The following PUM1 variants were observed in gnomAD, a reference collection of about 807,000 sequenced individuals.
The protein encoded by PUM1 is pumilio homolog 1.
PUM1 carries 13 observed loss-of-function variants against 131.8 expected under a neutral mutation model. That is an observed-to-expected ratio of 0.10 (90% CI 0.06 to 0.16). The LOEUF is 0.16. Among genes scored for constraint, PUM1 ranks in the 10% least tolerant of loss-of-function variants. The pLI, the probability that PUM1 is intolerant of heterozygous loss-of-function variation, is 1.00. For missense variants in PUM1, 961 were observed against 1,512.4 expected, an observed-to-expected ratio of 0.64 and a Z score of 6.05; for synonymous variants, 509 against 556.5, an observed-to-expected ratio of 0.91 and a Z score of 1.20.
At chr1:30,945,716 A>G (rs1023483911) in intron 17 of PUM1, among the ~76,000 whole-genome samples, 1 of 152,254 alleles carries the variant, frequency 6.6e-6, no homozygotes, top group Non-Finnish European at 1.5e-5. Flanking sequence ...AACAATAACC[A>G]GTAACCAAAA....
chr1:31,061,331 A>G (rs1188514921), intron 1 of PUM1, among the ~76,000 whole-genome samples: 1 of 152,160 alleles, frequency 6.6e-6, no homozygotes, highest in Non-Finnish European at 1.5e-5. Context: ...AAGAAGGCCA[A>G]TGGAGGTTGG....
chr1:30,994,014 G>A (rs1570229550), intron 6 of PUM1, among the ~76,000 whole-genome samples: 1 of 152,256 alleles, frequency 6.6e-6, no homozygotes, highest in South Asian at 2.1e-4. Flanking sequence ...TGGCTGCAGT[G>A]AGCTAACTTC....
chr1:30,983,957 G>A (rs1389440172), intron 7 of PUM1, among the ~76,000 whole-genome samples: 1 of 152,016 alleles, frequency 6.6e-6, no homozygotes, highest in Admixed American at 6.6e-5. Flanking sequence ...TACTGTATCT[G>A]TAAATATACA....
chr1:30,991,364 T>C (rs897304905), intron 7 of PUM1, among the ~76,000 whole-genome samples: 2 of 152,230 alleles, frequency 1.3e-5, no homozygotes, highest in South Asian at 4.1e-4. Context: ...AAGGTATTTA[T>C]TGTTCATAAA....
Position 30,933,160 on chromosome 1 carries a change from C to T in PUM1, c.*51G>A. ...ATTTCTGGTTGCTGGTTGGATTTGC[C>T]AGTGGGCCAGTGAGGTCAGCGGGAA... On this transcript the variant is annotated 3_prime_UTR_variant, in exon 22 of 22. Coordinates refer to ENST00000426105, the MANE Select transcript of PUM1 (RefSeq NM_001020658.2). 6.4e-7 allele frequency: 1 copy of T among 1,564,762 alleles called. No individual in the cohort carries two copies. Among genetic ancestry groups the T allele is most frequent in the Non-Finnish European group, 8.7e-7 (1 of 1,155,406 alleles).
At chr1:30,945,767 CT>C (rs1639640875) in intron 17 of PUM1, among the ~76,000 whole-genome samples, 1 of 152,152 alleles carries the variant, frequency 6.6e-6, no homozygotes, top group Admixed American at 6.5e-5. Context: ...AGAAAAGCCT[CT>C]TAAGAGTGCT....
In PUM1 at chr1:30,953,972, G is replaced by A. The variant is rs753467986; in HGVS notation, c.2333C>T (p.Thr778Met). 6.8e-6 allele frequency: 11 copies of A among 1,613,758 alleles called. No homozygotes were observed. Among genetic ancestry groups the A allele is most frequent in the Admixed American group, 3.3e-5 (2 of 59,998 alleles). The change falls in exon 15 of 22, where the codon ACG becomes ATG. Residue 778 changes from threonine (T) to methionine (M), a missense_variant. Thr to Met is a moderately conservative substitution (Grantham distance 81). Coordinates refer to ENST00000426105, the MANE Select transcript of PUM1 (RefSeq NM_001020658.2). ...AGAGATGTATCTTCCACTGCCATTC[G>A]TGAGTCCTCCTGTTGGTTACAGAAC... ...SSSSLNLGGL[T>M]NGSGRYISAA...
chr1:31,020,356 AC>A (rs1218708745), intron 3 of PUM1, among the ~76,000 whole-genome samples: 1 of 152,224 alleles, frequency 6.6e-6, no homozygotes, highest in African/African-American at 2.4e-5. Flanking sequence ...GCTGCAATAA[AC>A]ATGCAAGCGC....
intron 2 of PUM1, chr1:31,055,287 C>G: frequency 2.2e-5 from 10 of 454,164 alleles, no homozygotes; most frequent in South Asian, 1.6e-4. Context: ...AGCAGGATGA[C>G]TGAGCTGTAA....
intron 5 of PUM1, 85 bp downstream of exon 5, chr1:31,005,768 C>A (rs1326043928): frequency 2.3e-6 from 3 of 1,297,298 alleles, no homozygotes; most frequent in Non-Finnish European, 3.2e-6. Context: ...ACTAAACAGG[C>A]ATGTTTTGCT....
intron 19 of PUM1, 21 bp from the exon 20 acceptor site, chr1:30,941,293 GAAAT>G (rs775341185): frequency 6.2e-7 from 1 of 1,601,478 alleles, no homozygotes; most frequent in Admixed American, 1.7e-5. Flanking sequence ...AACAGTAAGA[GAAAT>G]AAAATGTATG....
chr1:31,038,972 A>ATTTTTTTTTT (rs1557599132), intron 2 of PUM1, among the ~76,000 whole-genome samples: 8 of 30,094 alleles, frequency 2.7e-4, no homozygotes, highest in African/African-American at 2.0e-3. Flanking sequence ...ATATATATAT[A>ATTTTTTTTTT]TATATATATA....
Position 31,027,249 on chromosome 1 carries a change from A to C in PUM1, c.432+1547T>G, listed in dbSNP as rs981955914. Among the ~76,000 whole-genome samples the C allele has an allele frequency of 2.0e-5, 3 of 152,324 alleles. No individual in the cohort carries two copies. The South Asian group carries it at 6.2e-4, about 32-fold the overall frequency. On this transcript the variant is annotated intron_variant, in intron 3 of 21. Transcript: ENST00000426105. The stretch of plus-strand genomic sequence containing the variant: ...ACTTGAGCCCAAGATTAGTCTGGAC[A>C]ACATAGTGAGACTCTGTCTCTATTT...
At chr1:30,949,209 C>T (rs749272397) in intron 17 of PUM1, 1 of 416,412 alleles carries the variant, frequency 2.4e-6, no homozygotes, top group East Asian at 7.2e-5. Flanking sequence ...CAGACAATGG[C>T]CAACCAACCC....
chr1:31,031,723 C>T (rs1376304826), intron 2 of PUM1, among the ~76,000 whole-genome samples: 1 of 152,180 alleles, frequency 6.6e-6, no homozygotes, highest in Non-Finnish European at 1.5e-5. Context: ...CTTGGTCTTG[C>T]CTTTGCTTTT....
intron 2 of PUM1, among the ~76,000 whole-genome samples, chr1:31,031,865 C>T (rs1441868136): frequency 7.8e-6 from 1 of 127,966 alleles, no homozygotes; most frequent in Non-Finnish European, 1.6e-5. Flanking sequence ...TGCGCACTCT[C>T]GCTCCCTGCC....
chr1:30,984,815 T>A (rs1450903065), intron 7 of PUM1, among the ~76,000 whole-genome samples: 3 of 152,222 alleles, frequency 2.0e-5, no homozygotes, highest in African/African-American at 7.2e-5. Flanking sequence ...ACTGTTGTTG[T>A]TATCAATAGC....
At chr1:30,952,701 G>T (rs1307558177) in intron 15 of PUM1, among the ~76,000 whole-genome samples, 1 of 91,706 alleles carries the variant, frequency 1.1e-5, no homozygotes, top group African/African-American at 3.7e-5. Flanking sequence ...GGGCGGGAGG[G>T]GCAGGGGTGC....
intron 10 of PUM1, among the ~76,000 whole-genome samples, chr1:30,970,574 T>G (rs1015714739): frequency 1.3e-5 from 2 of 152,166 alleles, no homozygotes; most frequent in Non-Finnish European, 2.9e-5. Flanking sequence ...AGAAAGTGTG[T>G]TTCAAACTAC....
Sources: gnomAD v4.1 joint callset for allele counts (sites outside exome capture counted in the v4.1 genomes callset) on GRCh38, gnomAD v4.1.1 for gene constraint, MANE v1.5 for transcripts, NCBI Gene and HGNC (gene_info 2026-07-23, HGNC 2026-07-21) for gene names.